Variants in PLXNA4 observed in about 807,000 individuals in gnomAD.
The protein encoded by PLXNA4 is plexin-A4.
In PLXNA4, 44 loss-of-function variants were observed where a neutral mutation model predicts 191.8. The observed-to-expected ratio is 0.23, with a 90% CI of 0.18 to 0.29. The LOEUF (loss-of-function observed/expected upper bound fraction) is 0.29, where lower values mean the gene tolerates loss of function less well. Ranked by LOEUF, PLXNA4 falls within the 10% of genes least tolerant of loss-of-function variation. The pLI is 1.00. For synonymous variants in PLXNA4, 1,082 were observed against 1,009.5 expected, an observed-to-expected ratio of 1.07 and a Z score of -1.36; for missense variants, 1,800 against 2,488.8, an observed-to-expected ratio of 0.72 and a Z score of 5.89.
At chr7:132,590,353 T>C (rs1252979632) in intron 2 of PLXNA4, among the ~76,000 whole-genome samples, 7 of 152,162 alleles carry the variant, frequency 4.6e-5, no homozygotes, top group Admixed American at 4.6e-4. Flanking sequence ...ACAGAACTAA[T>C]TGGATAGATG....
intron 2 of PLXNA4, among the ~76,000 whole-genome samples, chr7:132,613,355 T>A (rs192347305): frequency 1.2e-4 from 18 of 151,822 alleles, no homozygotes; most frequent in African/African-American, 4.1e-4. Context: ...AAAGCCACCC[T>A]CCCCCCCGAC....
At chr7:132,191,842 A>G (rs2116811400) in intron 14 of PLXNA4, among the ~76,000 whole-genome samples, 1 of 151,294 alleles carries the variant, frequency 6.6e-6, no homozygotes, top group South Asian at 2.1e-4. Flanking sequence ...ATACACACAC[A>G]CACACACACA....
At chr7:132,357,365 C>T (rs1360393383) in intron 3 of PLXNA4, among the ~76,000 whole-genome samples, 2 of 152,188 alleles carry the variant, frequency 1.3e-5, no homozygotes, top group Non-Finnish European at 2.9e-5. Context: ...CCTAATCCGC[C>T]TCAGCAAAGG....
chr7:132,511,707 G>C (rs1798721495), intron 1 of PLXNA4, among the ~76,000 whole-genome samples: 2 of 152,252 alleles, frequency 1.3e-5, no homozygotes, highest in East Asian at 3.9e-4. Context: ...AGAAAGATTA[G>C]GATTATGATA....
chr7:132,501,383 G>A (rs1452442738), intron 2 of PLXNA4, among the ~76,000 whole-genome samples: 1 of 152,176 alleles, frequency 6.6e-6, no homozygotes, highest in Non-Finnish European at 1.5e-5. Flanking sequence ...TCTCAGTATT[G>A]TGAGAGCACA....
chr7:132,352,870 A>G (rs1803547615), intron 3 of PLXNA4, among the ~76,000 whole-genome samples: 1 of 152,192 alleles, frequency 6.6e-6, no homozygotes, highest in South Asian at 2.1e-4. Context: ...AGGCATCATA[A>G]AAGTAACAGA....
chr7:132,274,549 G>T (rs1054271093), intron 4 of PLXNA4, among the ~76,000 whole-genome samples: 1 of 151,876 alleles, frequency 6.6e-6, no homozygotes, highest in Non-Finnish European at 1.5e-5. Context: ...CCATTTACTT[G>T]TTATAACTCC....
At chr7:132,437,474 T>G (rs956830803) in intron 3 of PLXNA4, among the ~76,000 whole-genome samples, 1 of 151,622 alleles carries the variant, frequency 6.6e-6, no homozygotes, top group Non-Finnish European at 1.5e-5. Context: ...ACTGGTGATG[T>G]GTGGGTGTAT....
chr7:132,213,051 T>G (rs1335268981), intron 9 of PLXNA4, among the ~76,000 whole-genome samples: 1 of 152,230 alleles, frequency 6.6e-6, no homozygotes, highest in Non-Finnish European at 1.5e-5. Context: ...GGCCTATTCA[T>G]ACAATGGAAT....
intron 3 of PLXNA4, among the ~76,000 whole-genome samples, chr7:132,468,648 G>T (rs538557501): frequency 6.6e-6 from 1 of 152,012 alleles, no homozygotes; most frequent in African/African-American, 2.4e-5. Context: ...AGAATGCTTT[G>T]AAATAAGTTA....
At chr7:132,552,135 T>C (rs562871522) in intron 1 of PLXNA4, among the ~76,000 whole-genome samples, 3 of 152,200 alleles carry the variant, frequency 2.0e-5, no homozygotes, top group South Asian at 2.1e-4. Flanking sequence ...CTCCTTCCTT[T>C]GACAGGAAAG....
chr7:132,222,634 C>T (rs1356846127), intron 9 of PLXNA4, among the ~76,000 whole-genome samples: 1 of 152,166 alleles, frequency 6.6e-6, no homozygotes, highest in Admixed American at 6.5e-5. Flanking sequence ...CTGGAGCCTG[C>T]TGAGTCCAAT....
intron 3 of PLXNA4, among the ~76,000 whole-genome samples, chr7:132,354,009 C>T (rs1276026221): frequency 6.6e-6 from 1 of 152,182 alleles, no homozygotes; most frequent in Non-Finnish European, 1.5e-5. Context: ...CAACACATGT[C>T]CTCATTGCTC....
At chr7:132,355,333 CT>C (rs1302873413) in intron 3 of PLXNA4, among the ~76,000 whole-genome samples, 1 of 152,198 alleles carries the variant, frequency 6.6e-6, no homozygotes, top group Non-Finnish European at 1.5e-5. Flanking sequence ...TGATATCCTT[CT>C]TCATAAATTC....
intron 3 of PLXNA4, among the ~76,000 whole-genome samples, chr7:132,317,490 G>A (rs1337572116): frequency 6.6e-6 from 1 of 152,006 alleles, no homozygotes; most frequent in East Asian, 1.9e-4. Flanking sequence ...TGATTGGATT[G>A]GGTTGTGTTG....
chr7:132,606,305 A>G (rs1042248877), intron 2 of PLXNA4, among the ~76,000 whole-genome samples: 13 of 152,202 alleles, frequency 8.5e-5, no homozygotes, highest in Admixed American at 2.0e-4. Flanking sequence ...CAGAGCTGTG[A>G]GAGAATAAAT....
chr7:132,375,938 C>T (rs1404948002), intron 3 of PLXNA4, among the ~76,000 whole-genome samples: 1 of 152,118 alleles, frequency 6.6e-6, no homozygotes, highest in Non-Finnish European at 1.5e-5. Context: ...TATTTCCTTC[C>T]ACTCCAGCCA....
chr7:132,385,928 C>A (rs144145768), intron 3 of PLXNA4, among the ~76,000 whole-genome samples: 2 of 152,204 alleles, frequency 1.3e-5, no homozygotes, highest in Admixed American at 1.3e-4. Flanking sequence ...CGTTTTTGAA[C>A]GCTGAAGTGG....
chr7:132,140,885 T>C, intron 29 of PLXNA4, 74 bp from the exon 30 acceptor site: 1 of 1,571,258 alleles, frequency 6.4e-7, no homozygotes, highest in Non-Finnish European at 8.6e-7. Flanking sequence ...GAGGGGTCTC[T>C]GGAGAAGGAG....
Sources: gnomAD v4.1 joint callset for allele counts (sites outside exome capture counted in the v4.1 genomes callset) on GRCh38, gnomAD v4.1.1 for gene constraint, MANE v1.5 for transcripts, NCBI Gene and HGNC (gene_info 2026-07-23, HGNC 2026-07-21) for gene names.